BABAM2: variants seen among roughly 807,000 people sequenced by gnomAD.
BABAM2 encodes the protein BRISC and BRCA1-A complex member 2.
In BABAM2, 31 loss-of-function variants were observed where a neutral mutation model predicts 54.7. The ratio of observed to expected loss-of-function variants is 0.57; its 90% CI spans 0.43 to 0.77. The LOEUF (loss-of-function observed/expected upper bound fraction) is 0.77. Ranked by LOEUF, BABAM2 falls within the 30% of genes least tolerant of loss-of-function variation. The pLI is 0.00. For synonymous variants in BABAM2, 167 were observed against 162.9 expected (o/e 1.03, Z -0.19); for missense variants, 364 against 455.8 (o/e 0.80, Z 1.83).
At chr2:28,239,658 C>A (rs1295713798) in intron 8 of BABAM2, among the ~76,000 whole-genome samples, 1 of 152,010 alleles carries the variant, frequency 6.6e-6, no homozygotes, top group Non-Finnish European at 1.5e-5. Flanking sequence ...TCAAGATAAC[C>A]AAATAACCCC....
intron 7 of BABAM2, among the ~76,000 whole-genome samples, chr2:28,188,111 G>C (rs115084191): frequency 4.7e-4 from 71 of 152,278 alleles, no homozygotes; most frequent in African/African-American, 1.6e-3. Flanking sequence ...AGACTAGGTA[G>C]CCTCTGAGGT....
chr2:28,296,716 C>G (rs1687721792), intron 10 of BABAM2, among the ~76,000 whole-genome samples: 2 of 152,282 alleles, frequency 1.3e-5, no homozygotes, highest in Non-Finnish European at 2.9e-5. Flanking sequence ...AAGACGGAGT[C>G]TCACTCTGTT....
intron 2 of BABAM2, among the ~76,000 whole-genome samples, chr2:27,910,388 A>G (rs1048699000): frequency 6.6e-6 from 1 of 152,230 alleles, no homozygotes. Flanking sequence ...AAAGGTTTAA[A>G]CTAATTGATT....
At chr2:28,292,018 A>G (rs1558505415) in intron 10 of BABAM2, among the ~76,000 whole-genome samples, 1 of 152,252 alleles carries the variant, frequency 6.6e-6, no homozygotes, top group Non-Finnish European at 1.5e-5. Context: ...CAGCAATTCA[A>G]CAAGGGGTTA....
At chr2:28,016,209 G>C in intron 4 of BABAM2, 3 of 1,037,298 alleles carry the variant, frequency 2.9e-6, no homozygotes, top group Non-Finnish European at 4.4e-6. Flanking sequence ...TTCTTTCTCT[G>C]TCTTTTTTTG....
chr2:28,031,148 C>T (rs1282839485), intron 5 of BABAM2, among the ~76,000 whole-genome samples: 1 of 152,152 alleles, frequency 6.6e-6, no homozygotes, highest in East Asian at 1.9e-4. Context: ...GTATCATAAA[C>T]TTAGATGATC....
At chr2:28,156,333 G>C (rs1002136056) in intron 7 of BABAM2, among the ~76,000 whole-genome samples, 4 of 152,076 alleles carry the variant, frequency 2.6e-5, no homozygotes, top group Non-Finnish European at 5.9e-5. Flanking sequence ...TAATTGTTAT[G>C]ATATGAATTT....
At chr2:28,172,087 A>G (rs1674378540) in intron 7 of BABAM2, among the ~76,000 whole-genome samples, 1 of 149,778 alleles carries the variant, frequency 6.7e-6, no homozygotes, top group Non-Finnish European at 1.5e-5. Context: ...TTTGTTTGAA[A>G]TGTGTGTGTG....
chr2:28,141,658 T>C (rs1320868089), intron 7 of BABAM2, among the ~76,000 whole-genome samples: 1 of 152,150 alleles, frequency 6.6e-6, no homozygotes, highest in Admixed American at 6.5e-5. Flanking sequence ...AGAGCTTTCC[T>C]CTTGTGTTAG....
At position 27,923,194 on chromosome 2, in the gene BABAM2, G is replaced by A. The variant is rs183425393; in HGVS notation, c.129-6638G>A. Among the ~76,000 whole-genome samples the A allele has an allele frequency of 1.2e-4, 18 of 152,284 alleles. No individual in the cohort carries two copies. In the South Asian group the frequency reaches 2.9e-3, roughly 25 times the overall value. On this transcript the variant is annotated intron_variant, in intron 2 of 11. Transcript: ENST00000379624. ...CTTTCATATGCCTTACTTGAAGACT[G>A]TTCATCAGTATATCACCCTGAATTC...
chr2:28,073,214 G>T (rs1190858118), intron 6 of BABAM2, among the ~76,000 whole-genome samples: 2 of 152,116 alleles, frequency 1.3e-5, no homozygotes, highest in Non-Finnish European at 2.9e-5. Context: ...CATAGAAATT[G>T]CTGGGTGTGG....
At chr2:27,920,248 T>G (rs766950795) in intron 2 of BABAM2, among the ~76,000 whole-genome samples, 2 of 152,192 alleles carry the variant, frequency 1.3e-5, no homozygotes, top group Non-Finnish European at 2.9e-5. Flanking sequence ...GTGGATTTGG[T>G]CTGGCCAGTC....
chr2:28,099,283 C>T (rs944340845), intron 6 of BABAM2, among the ~76,000 whole-genome samples: 1 of 152,130 alleles, frequency 6.6e-6, no homozygotes, highest in African/African-American at 2.4e-5. Context: ...AATTGGTATG[C>T]AGACAGAATT....
chr2:28,095,029 G>A (rs549200930), intron 6 of BABAM2, among the ~76,000 whole-genome samples: 2 of 151,706 alleles, frequency 1.3e-5, no homozygotes, highest in South Asian at 4.2e-4. Flanking sequence ...AAACAGTGCT[G>A]CAAGTGAATA....
intron 6 of BABAM2, among the ~76,000 whole-genome samples, chr2:28,100,559 G>A (rs974007877): frequency 1.3e-5 from 2 of 151,572 alleles, no homozygotes; most frequent in African/African-American, 2.4e-5. Context: ...CGTTCCTGCC[G>A]TTGTGAGCAG....
chr2:28,198,456 G>A (rs191676624), intron 7 of BABAM2, among the ~76,000 whole-genome samples: 7 of 152,112 alleles, frequency 4.6e-5, no homozygotes, highest in Non-Finnish European at 7.4e-5. Flanking sequence ...GTGAGCCACC[G>A]CGCCTGGCCA....
chr2:27,920,416 G>A (rs1323311365), intron 2 of BABAM2, among the ~76,000 whole-genome samples: 1 of 152,114 alleles, frequency 6.6e-6, no homozygotes, highest in African/African-American at 2.4e-5. Flanking sequence ...GCTGCATCCA[G>A]TCTAGAAACC....
intron 10 of BABAM2, among the ~76,000 whole-genome samples, chr2:28,275,565 A>G (rs1178187232): frequency 6.6e-6 from 1 of 152,196 alleles, no homozygotes; most frequent in African/African-American, 2.4e-5. Flanking sequence ...CGGGTGGAGT[A>G]CCAAAGCTTA....
intron 3 of BABAM2, among the ~76,000 whole-genome samples, chr2:27,956,040 CTGTTTATA>C (rs1342433407): frequency 1.3e-5 from 2 of 151,966 alleles, no homozygotes; most frequent in African/African-American, 4.8e-5. Flanking sequence ...AGAGAGGAAC[CTGTTTATA>C]AAGAGGATAC....
Sources: gnomAD v4.1 joint callset for allele counts (sites outside exome capture counted in the v4.1 genomes callset) on GRCh38, gnomAD v4.1.1 for gene constraint, MANE v1.5 for transcripts, NCBI Gene and HGNC (gene_info 2026-07-23, HGNC 2026-07-21) for gene names.